The following PLXDC2 variants were observed in gnomAD, a reference collection of about 807,000 sequenced individuals.
PLXDC2 encodes the protein plexin domain containing 2, also known as plexin domain-containing protein 2.
Under a neutral mutation model 68.9 loss-of-function variants are expected in PLXDC2, and 40 were observed. The observed-to-expected ratio is 0.58, with a 90% confidence interval of 0.45 to 0.76. The LOEUF (loss-of-function observed/expected upper bound fraction) is 0.76, where lower values mean the gene tolerates loss of function less well. Ranked by LOEUF, PLXDC2 falls within the 30% of genes least tolerant of loss-of-function variation. The pLI is 0.00. For missense variants in PLXDC2, 644 were observed against 661.9 expected (o/e 0.97, Z 0.30); for synonymous variants, 243 against 234.2 (o/e 1.04, Z -0.34).
At chr10:20,039,107 G>A (rs919696696) in intron 2 of PLXDC2, among the ~76,000 whole-genome samples, 1 of 152,186 alleles carries the variant, frequency 6.6e-6, no homozygotes, top group Admixed American at 6.6e-5. Context: ...TCACCTGTCT[G>A]CAAGTTTAAT....
rs1451245668 is a variant in PLXDC2 at position 19,888,699 on chromosome 10, C to T, written c.112+71508C>T. ...CAGATCTAGGTGACCAAGTGACATA[C>T]ATCCGAGAAGTTTGTCAAATGATGA... On this transcript the variant is annotated intron_variant, in intron 1 of 13. Coordinates refer to ENST00000377252, the MANE Select transcript of PLXDC2 (RefSeq NM_032812.9). Among the ~76,000 whole-genome samples the T allele has an allele frequency of 2.0e-5, 3 of 152,100 alleles. No individual in the cohort carries two copies. In the East Asian group the frequency reaches 5.8e-4, roughly 29 times the overall value.
At chr10:19,953,931 G>A (rs541040400) in intron 1 of PLXDC2, among the ~76,000 whole-genome samples, 1 of 152,210 alleles carries the variant, frequency 6.6e-6, no homozygotes, top group African/African-American at 2.4e-5. Context: ...GGAAATGAAA[G>A]TGACAGCTGA....
At chr10:20,257,997 CTTTTTTT>C (rs550997528) in intron 13 of PLXDC2, among the ~76,000 whole-genome samples, 1 of 84,360 alleles carries the variant, frequency 1.2e-5, no homozygotes, top group Non-Finnish European at 2.4e-5. Flanking sequence ...TTTTTTCTTT[CTTTTTTT>C]TTTTTTTTTT....
intron 1 of PLXDC2, among the ~76,000 whole-genome samples, chr10:19,830,810 A>G (rs550770944): frequency 5.6e-4 from 85 of 151,988 alleles, no homozygotes; most frequent in Non-Finnish European, 1.0e-3. Flanking sequence ...GCAATCTTGG[A>G]CTGCCCAATG....
chr10:19,899,282 A>G (rs937626407), intron 1 of PLXDC2, among the ~76,000 whole-genome samples: 4 of 152,162 alleles, frequency 2.6e-5, no homozygotes, highest in Non-Finnish European at 5.9e-5. Context: ...TGCACACTTC[A>G]TTGATATGCT....
At chr10:20,014,993 T>C (rs542664503) in intron 2 of PLXDC2, among the ~76,000 whole-genome samples, 22 of 152,346 alleles carry the variant, frequency 1.4e-4, no homozygotes, top group African/African-American at 5.3e-4. Context: ...TTTTAAATGT[T>C]TGTCAGAAAG....
chr10:20,140,953 TGTG>T (rs1442872100), intron 4 of PLXDC2, among the ~76,000 whole-genome samples: 1 of 152,002 alleles, frequency 6.6e-6, no homozygotes, highest in Non-Finnish European at 1.5e-5. Flanking sequence ...TGCTAATAAT[TGTG>T]GTGGCAGTTT....
intron 1 of PLXDC2, 33 bp downstream of exon 1, chr10:19,817,224 G>A (rs746701131): frequency 1.3e-6 from 2 of 1,521,524 alleles, no homozygotes; most frequent in South Asian, 1.2e-5. Flanking sequence ...TGCTGATTTT[G>A]TGCGCAGCTG....
intron 2 of PLXDC2, among the ~76,000 whole-genome samples, chr10:20,025,952 T>C (rs185198813): frequency 1.3e-3 from 194 of 152,228 alleles, no homozygotes; most frequent in African/African-American, 4.5e-3. Context: ...CATTACAGAT[T>C]AGTGAAAAGA....
intron 4 of PLXDC2, among the ~76,000 whole-genome samples, chr10:20,080,851 G>GC (rs1474240390): frequency 6.6e-6 from 1 of 152,172 alleles, no homozygotes; most frequent in Non-Finnish European, 1.5e-5. Context: ...GAGGAGATCC[G>GC]CCCATCTGGG....
chr10:20,266,661 G>A (rs1176666938), intron 13 of PLXDC2, among the ~76,000 whole-genome samples: 1 of 152,114 alleles, frequency 6.6e-6, no homozygotes, highest in African/African-American at 2.4e-5. Flanking sequence ...ATTTGTTAGA[G>A]TAGGCAGAAC....
At chr10:20,044,242 T>C (rs1835751110) in intron 2 of PLXDC2, among the ~76,000 whole-genome samples, 2 of 115,626 alleles carry the variant, frequency 1.7e-5, no homozygotes, top group Non-Finnish European at 3.4e-5. Context: ...TCTTTCTTTC[T>C]TTCTTTCTTT....
intron 2 of PLXDC2, among the ~76,000 whole-genome samples, chr10:20,033,113 C>T (rs938743697): frequency 5.3e-5 from 8 of 151,616 alleles, no homozygotes; most frequent in Non-Finnish European, 1.2e-4. Context: ...AGCACACCAA[C>T]ATGGCACATG....
chr10:20,029,586 A>G (rs1227125663), intron 2 of PLXDC2, among the ~76,000 whole-genome samples: 48 of 152,180 alleles, frequency 3.2e-4, no homozygotes, highest in Non-Finnish European at 2.1e-4. Flanking sequence ...CCAAAAAAAT[A>G]AAAAATAAAT....
chr10:20,094,181 C>T (rs1833317828), intron 4 of PLXDC2, among the ~76,000 whole-genome samples: 1 of 152,174 alleles, frequency 6.6e-6, no homozygotes, highest in Non-Finnish European at 1.5e-5. Flanking sequence ...GAAGTCACCA[C>T]TTGGATTTTT....
At chr10:19,963,933 G>A (rs1834203624) in intron 1 of PLXDC2, among the ~76,000 whole-genome samples, 1 of 152,110 alleles carries the variant, frequency 6.6e-6, no homozygotes, top group Non-Finnish European at 1.5e-5. Context: ...GGGGAAGGTA[G>A]CATTAGTTTT....
chr10:20,138,554 A>G (rs1181189809), intron 4 of PLXDC2, among the ~76,000 whole-genome samples: 1 of 152,236 alleles, frequency 6.6e-6, no homozygotes. Context: ...ACTTCATTTA[A>G]TAAATGGAAA....
intron 1 of PLXDC2, among the ~76,000 whole-genome samples, chr10:19,873,986 G>A (rs1207355950): frequency 6.6e-6 from 1 of 152,154 alleles, no homozygotes; most frequent in Non-Finnish European, 1.5e-5. Context: ...AACTTCAGGT[G>A]TGGATCTGGG....
intron 1 of PLXDC2, among the ~76,000 whole-genome samples, chr10:19,938,967 AGGATAGAGT>A (rs1268985098): frequency 6.6e-6 from 1 of 152,234 alleles, no homozygotes; most frequent in Non-Finnish European, 1.5e-5. Context: ...ATGGATGACA[AGGATAGAGT>A]GGGCATGAAA....
Sources: gnomAD v4.1 joint callset for allele counts (sites outside exome capture counted in the v4.1 genomes callset) on GRCh38, gnomAD v4.1.1 for gene constraint, MANE v1.5 for transcripts, NCBI Gene and HGNC (gene_info 2026-07-23, HGNC 2026-07-21) for gene names.